GRIP2: variants seen among roughly 807,000 people sequenced by gnomAD.
The protein encoded by GRIP2 is glutamate receptor interacting protein 2, also known as glutamate receptor-interacting protein 2.
A neutral mutation model predicts 108.3 loss-of-function variants in GRIP2; 58 were observed. The ratio of observed to expected loss-of-function variants is 0.54; its 90% CI spans 0.43 to 0.67. GRIP2 has a LOEUF of 0.67. Ranked by LOEUF, GRIP2 falls within the 30% of genes least tolerant of loss-of-function variation. The probability of loss-of-function intolerance (pLI) is 0.00; values close to 1 mark genes in which losing one functional copy is unlikely to be tolerated. For missense variants in GRIP2, 1,278 were observed against 1,430.6 expected (o/e 0.89, Z 1.72); for synonymous variants, 586 against 598.2 (o/e 0.98, Z 0.30).
At chr3:14,535,577 C>T (rs1694815398) in intron 1 of GRIP2, among the ~76,000 whole-genome samples, 2 of 152,218 alleles carry the variant, frequency 1.3e-5, no homozygotes, top group African/African-American at 4.8e-5. Context: ...GCGGTATAAT[C>T]ATGATTCTCA....
intron 20 of GRIP2, among the ~76,000 whole-genome samples, chr3:14,504,394 C>G (rs1693859978): frequency 6.7e-6 from 1 of 149,908 alleles, no homozygotes; most frequent in Non-Finnish European, 1.5e-5. Flanking sequence ...TCACTGCAAG[C>G]TCTGCCTCCT....
chr3:14,546,126 G>A (rs896610099), upstream of GRIP2, among the ~76,000 whole-genome samples: 4 of 152,192 alleles, frequency 2.6e-5, no homozygotes, highest in African/African-American at 7.2e-5. Flanking sequence ...ACCCCGTAGG[G>A]ACCTGTGGGT....
chr3:14,540,561 G>A (rs1020282363), upstream of GRIP2, among the ~76,000 whole-genome samples: 2 of 152,158 alleles, frequency 1.3e-5, no homozygotes, highest in African/African-American at 4.8e-5. The surrounding 1 kb of genome is among the most constrained non-coding windows in gnomAD (Gnocchi z 4.1). Context: ...TTTGAAGGTG[G>A]CATGCCTGGG....
chr3:14,570,693 T>C, the GRIP2 span, among the ~76,000 whole-genome samples: 3 of 152,236 alleles, frequency 2.0e-5, no homozygotes, highest in Admixed American at 6.5e-5. Flanking sequence ...AGTGTATTTT[T>C]CTCAAATGTA....
At chr3:14,602,547 C>T in the GRIP2 span, among the ~76,000 whole-genome samples, 1 of 151,872 alleles carries the variant, frequency 6.6e-6, no homozygotes, top group South Asian at 2.1e-4. The surrounding 1 kb of genome is among the most constrained non-coding windows in gnomAD (Gnocchi z 4.7). Context: ...GGCACGTGGC[C>T]GCCTCGCCAA....
At chr3:14,532,776 T>C (rs1045569893) in intron 1 of GRIP2, among the ~76,000 whole-genome samples, 1 of 151,616 alleles carries the variant, frequency 6.6e-6, no homozygotes, top group African/African-American at 2.4e-5. Flanking sequence ...CTCAACCTGG[T>C]TCCGGGCCGG....
At chr3:14,593,080 T>G in the GRIP2 span, among the ~76,000 whole-genome samples, 1 of 152,176 alleles carries the variant, frequency 6.6e-6, no homozygotes, top group African/African-American at 2.4e-5. Context: ...TGGACACCAC[T>G]GGGAACTAAT....
the GRIP2 span, chr3:14,574,259 C>G: frequency 1.1e-6 from 1 of 889,898 alleles, no homozygotes; most frequent in Non-Finnish European, 1.9e-6. Flanking sequence ...TGTCGATGTG[C>G]TTGTGGTAGG....
chr3:14,600,593 T>A, the GRIP2 span, among the ~76,000 whole-genome samples: 1 of 152,188 alleles, frequency 6.6e-6, no homozygotes, highest in South Asian at 2.1e-4. Flanking sequence ...AGATGCCAGG[T>A]GGATGGCCCT....
the GRIP2 span, among the ~76,000 whole-genome samples, chr3:14,593,870 G>T: frequency 4.6e-5 from 7 of 152,206 alleles, no homozygotes; most frequent in Non-Finnish European, 7.3e-5. Flanking sequence ...AGAGTTGAGA[G>T]CTAGGCTCTA....
the GRIP2 span, among the ~76,000 whole-genome samples, chr3:14,590,943 G>A: frequency 3.3e-5 from 5 of 152,146 alleles, no homozygotes; most frequent in African/African-American, 1.2e-4. Flanking sequence ...GATTTTTTAA[G>A]CCACTATCAG....
At chr3:14,566,275 G>A in the GRIP2 span, among the ~76,000 whole-genome samples, 4 of 152,218 alleles carry the variant, frequency 2.6e-5, no homozygotes, top group African/African-American at 7.2e-5. Flanking sequence ...TGACCACAGG[G>A]GACTGGATGA....
rs1003604331 is a variant in GRIP2, at chr3:14,489,728, T to C, written c.*3937A>G. On this transcript the variant is annotated 3_prime_UTR_variant, in exon 24 of 24. Coordinates refer to ENST00000621039, the MANE Select transcript of GRIP2 (RefSeq NM_001080423.4). ...CCAGGATGATTGGAGGTGATGCTCT[T>C]GGCCTTAGGTGCTCACCTGCTGCGG... is the stretch of plus-strand genomic sequence containing the variant. The C allele has an allele frequency of 6.6e-6, 1 of 152,284 alleles. No homozygotes were observed. The highest frequency in any genetic ancestry group is 1.5e-5 in the Non-Finnish European group (1 of 68,088). The allele number at this position is 152,284 out of a possible 1,614,324, so 9.4% of individuals were successfully genotyped here.
chr3:14,493,699 C>T lies in GRIP2; in HGVS notation c.3098G>A (p.Arg1033Gln), dbSNP rs181971811. 56 of 1,608,002 alleles carry T rather than the reference C, an allele frequency of 3.5e-5. No individual in the cohort carries two copies. Among genetic ancestry groups the T allele is most frequent in the East Asian group, 1.3e-4 (6 of 44,710 alleles). ...CCGGGGACTGCTGGGGCCTGGCGATCGGGGGGCCCGGCTGCTGTGTGCCGT... is the reference window on the plus strand; with the variant it reads ...CCGGGGACTGCTGGGGCCTGGCGATTGGGGGGCCCGGCTGCTGTGTGCCGT... The part of the protein sequence containing the change: ...PHTAHSSRAP[R>Q]SPGPSSPRML Residue 1033 changes from arginine (R) to glutamine (Q), a missense_variant, in exon 24 of 24, where the codon CGA becomes CAA. By Grantham distance (43) the Arg-to-Gln change is conservative (BLOSUM62 1). Coordinates refer to ENST00000621039, the MANE Select transcript of GRIP2 (RefSeq NM_001080423.4).
Position 14,505,495 on chromosome 3 carries a change from C to G in GRIP2, c.2573+120G>C. 8.9e-7 allele frequency: 1 copy of G among 1,121,066 alleles called. No homozygotes were observed. Among genetic ancestry groups the G allele is most frequent in the South Asian group, 1.5e-5 (1 of 65,632 alleles). 69.4% of individuals were successfully genotyped at this position (1,121,066 alleles called of 1,614,324 possible). A position where few individuals can be genotyped will look rare whatever the true frequency, so the allele number is the denominator to read the frequency against. ...CTCAGTGCTTCTCTCCCAGGAGGCA[C>G]CCCTCCTCAGGAGCCCGCCAAGACT... On this transcript the variant is annotated intron_variant, in intron 20 of 23. Transcript: ENST00000621039. The surrounding 1 kb of genome is among the most constrained non-coding windows in gnomAD (Gnocchi z 4.2).
the GRIP2 span, among the ~76,000 whole-genome samples, chr3:14,585,156 G>A: frequency 4.6e-5 from 7 of 152,106 alleles, no homozygotes; most frequent in Non-Finnish European, 8.8e-5. Context: ...CCGAGTAGCC[G>A]GGACTACACT....
At position 14,513,738 on chromosome 3, in the gene GRIP2, C is replaced by T. The variant is rs771466957; in HGVS notation, c.1566G>A (p.Glu522=). 8 of 1,610,996 alleles carry T rather than the reference C, an allele frequency of 5.0e-6. No homozygotes were observed. Among genetic ancestry groups the T allele is most frequent in the Middle Eastern group, 1.6e-4 (1 of 6,080 alleles). ...CGTCCCGCAGGAGCTGGTTGGCTTC[C>T]TCCATAGTCCCGTCCTCGGTGGCAA... ...NGIATEDGTM[E]EANQLLRDAA... Residue 522 remains glutamate (E), a synonymous_variant, in exon 13 of 24, where the codon GAG becomes GAA. Transcript: ENST00000621039.
At chr3:14,545,654 G>T (rs915946661), upstream of GRIP2, among the ~76,000 whole-genome samples, 5 of 152,184 alleles carry the variant, frequency 3.3e-5, no homozygotes, top group African/African-American at 1.2e-4. Context: ...TGAGCCTCAG[G>T]TTCCTCCTCT....
chr3:14,572,978 G>A, the GRIP2 span: 1 of 1,482,884 alleles, frequency 6.7e-7, no homozygotes, highest in South Asian at 1.1e-5. Flanking sequence ...CAGCCAGGAG[G>A]CCCAGGAAGA....
Sources: allele counts gnomAD v4.1 joint callset (sites outside exome capture counted in the v4.1 genomes callset), GRCh38; gene constraint gnomAD v4.1.1; non-coding constraint Gnocchi (gnomAD v3.1); transcripts MANE v1.5; gene names NCBI Gene and HGNC (gene_info 2026-07-23, HGNC 2026-07-21).